Variants in HSD17B3 observed in about 807,000 individuals in gnomAD.
HSD17B3 encodes 17-beta-hydroxysteroid dehydrogenase type 3.
Under a neutral mutation model 41.1 loss-of-function variants are expected in HSD17B3, and 29 were observed. The observed-to-expected ratio is 0.71, with a 90% CI of 0.53 to 0.96. The LOEUF is 0.96. Ranked by LOEUF, HSD17B3 falls within the 40% of genes least tolerant of loss-of-function variation. The probability of loss-of-function intolerance (pLI) is 0.00; values close to 1 mark genes in which losing one functional copy is unlikely to be tolerated. For synonymous variants in HSD17B3, 126 were observed against 145.6 expected (o/e 0.87, Z 0.97); for missense variants, 323 against 374.6 (o/e 0.86, Z 1.14).
chr9:96,298,587 C>T (rs1196993388), intron 1 of HSD17B3, 125 bp from the exon 2 acceptor site: 3 of 809,254 alleles, frequency 3.7e-6, no homozygotes, highest in South Asian at 1.3e-5. Context: ...CATCCCTTTG[C>T]TCTCCAGCCC....
At chr9:96,238,731 G>A (rs770740283) in intron 10 of HSD17B3, among the ~76,000 whole-genome samples, 1 of 152,156 alleles carries the variant, frequency 6.6e-6, no homozygotes, top group Non-Finnish European at 1.5e-5. Context: ...AGAAAGGCGT[G>A]GTCAGAAGTG....
intron 10 of HSD17B3, among the ~76,000 whole-genome samples, chr9:96,236,267 A>G (rs997845215): frequency 7.3e-5 from 11 of 151,710 alleles, no homozygotes; most frequent in Non-Finnish European, 1.5e-4. Flanking sequence ...CTGTAATCTC[A>G]GCACTTTGGG....
chr9:96,291,838 TC>T (rs1452566469), intron 2 of HSD17B3, among the ~76,000 whole-genome samples: 4 of 152,080 alleles, frequency 2.6e-5, no homozygotes, highest in African/African-American at 9.6e-5. Context: ...GCACCTGTAA[TC>T]CCAGCTACTT....
At chr9:96,282,245 T>C (rs545920611) in intron 2 of HSD17B3, among the ~76,000 whole-genome samples, 1 of 152,280 alleles carries the variant, frequency 6.6e-6, no homozygotes, top group East Asian at 1.9e-4. Flanking sequence ...TCTGTGTATT[T>C]ATATATGTTG....
At chr9:96,240,986 C>T in intron 9 of HSD17B3, 79 bp from the exon 10 acceptor site, 1 of 1,522,094 alleles carries the variant, frequency 6.6e-7, no homozygotes, top group Non-Finnish European at 9.1e-7. Flanking sequence ...CTCAAGCCCC[C>T]ATCCCACCAT....
In HSD17B3 at chr9:96,235,529, G is replaced by T; in HGVS notation, c.864C>A (p.Ser288Arg). 1 of 1,614,134 alleles carries T rather than the reference G, an allele frequency of 6.2e-7. No individual in the cohort carries two copies. ...TCAGGAGCAGCCTTTGGAAGGCACC[G>T]CTGTAGAAGGCCCAGGCCGGGATCA... ...LSLIPAWAFY[S>R]GAFQRLLLTH... The change falls in exon 11 of 11, where the codon AGC (serine) becomes AGA (arginine). Residue 288 changes from serine to arginine, a missense_variant. Physicochemically the swap from Ser to Arg is moderately radical, Grantham distance 110. Transcript: ENST00000375263.
At chr9:96,296,019 C>A (rs1423457073) in intron 2 of HSD17B3, among the ~76,000 whole-genome samples, 3 of 152,082 alleles carry the variant, frequency 2.0e-5, no homozygotes, top group African/African-American at 7.2e-5. Flanking sequence ...GAGGCCGAGG[C>A]AGGCAGATCA....
chr9:96,251,525 A>G, intron 4 of HSD17B3, 40 bp from the exon 5 acceptor site: 1 of 1,551,314 alleles, frequency 6.4e-7, no homozygotes. Flanking sequence ...TCAGAAGATC[A>G]GGTGGGAGAT....
chr9:96,242,818 G>A (rs947858452), intron 9 of HSD17B3, among the ~76,000 whole-genome samples: 1 of 152,198 alleles, frequency 6.6e-6, no homozygotes, highest in African/African-American at 2.4e-5. Context: ...CTAGGAAGCA[G>A]GTGGCTGCGA....
chr9:96,282,992 CTTT>C (rs58397134), intron 2 of HSD17B3, among the ~76,000 whole-genome samples: 3 of 71,702 alleles, frequency 4.2e-5, no homozygotes, highest in African/African-American at 1.3e-4. Context: ...AGGTTTCTTT[CTTT>C]TTTTTTTTTT....
intron 4 of HSD17B3, 52 bp downstream of exon 4, chr9:96,252,751 G>A: frequency 1.1e-6 from 1 of 911,658 alleles, no homozygotes; most frequent in Non-Finnish European, 1.9e-6. Context: ...ATCAGTGTCA[G>A]GTTATTTCAC....
At chr9:96,250,107 G>A in intron 5 of HSD17B3, 1 of 1,328,354 alleles carries the variant, frequency 7.5e-7, no homozygotes, top group Non-Finnish European at 9.7e-7. Context: ...CTCAGCTGGA[G>A]GAAGAGGGGT....
chr9:96,294,983 G>A (rs531583832), intron 2 of HSD17B3, among the ~76,000 whole-genome samples: 17 of 149,722 alleles, frequency 1.1e-4, no homozygotes, highest in Middle Eastern at 3.6e-3. Flanking sequence ...GATGAAGGAC[G>A]GGGGTCAGAC....
chr9:96,276,617 C>T (rs1021082400), intron 2 of HSD17B3, among the ~76,000 whole-genome samples: 11 of 151,378 alleles, frequency 7.3e-5, no homozygotes, highest in African/African-American at 2.7e-4. Context: ...CTACAGTCAA[C>T]TGATTTTTAA....
intron 1 of HSD17B3, 30 bp downstream of exon 1, chr9:96,301,921 A>AT: frequency 6.5e-7 from 1 of 1,540,412 alleles, no homozygotes; most frequent in South Asian, 1.1e-5. Context: ...CAACAGCAGC[A>AT]AAAAAACATG....
intron 2 of HSD17B3, among the ~76,000 whole-genome samples, chr9:96,262,366 C>T (rs958466535): frequency 2.1e-4 from 31 of 151,214 alleles, no homozygotes; most frequent in African/African-American, 7.3e-4. Context: ...GCCTCAGCCT[C>T]CCTAGTAGCT....
intron 9 of HSD17B3, 103 bp downstream of exon 9, chr9:96,244,226 C>T: frequency 9.0e-7 from 1 of 1,111,976 alleles, no homozygotes; most frequent in Non-Finnish European, 1.4e-6. Flanking sequence ...CCACAGGAGG[C>T]AGTGGCCCCA....
intron 2 of HSD17B3, among the ~76,000 whole-genome samples, chr9:96,286,870 T>C (rs371556438): frequency 4.3e-4 from 66 of 152,300 alleles, no homozygotes; most frequent in Middle Eastern, 6.8e-3. Context: ...TAGCATATCA[T>C]CAAGAAATAA....
At chr9:96,244,981 G>A (rs763080317) in intron 8 of HSD17B3, among the ~76,000 whole-genome samples, 5 of 151,990 alleles carry the variant, frequency 3.3e-5, no homozygotes, top group African/African-American at 4.8e-5. Context: ...CTTGTACAGC[G>A]CCCCCTCCTC....
Sources: gnomAD v4.1 joint callset for allele counts (sites outside exome capture counted in the v4.1 genomes callset) on GRCh38, gnomAD v4.1.1 for gene constraint, MANE v1.5 for transcripts, NCBI Gene and HGNC (gene_info 2026-07-23, HGNC 2026-07-21) for gene names.